Variants in C11orf54 observed in about 807,000 individuals in gnomAD.
C11orf54 encodes beta-keto L-gulonate decarboxylase.
Under a neutral mutation model 35.5 loss-of-function variants are expected in C11orf54, and 29 were observed. That is an observed-to-expected ratio of 0.82 (90% CI 0.61 to 1.11). C11orf54 has a LOEUF of 1.11. Among genes scored for constraint, C11orf54 ranks in the 50% most tolerant of loss-of-function variants. The pLI is 0.00. For missense variants in C11orf54, 373 were observed against 369.2 expected (o/e 1.01, Z -0.08); for synonymous variants, 108 against 121.1 (o/e 0.89, Z 0.71).
intron 6 of C11orf54, 24 bp from the exon 7 acceptor site, chr11:93,757,292 T>A: frequency 6.3e-7 from 1 of 1,589,284 alleles, no homozygotes; most frequent in Non-Finnish European, 8.5e-7. Flanking sequence ...TAGTCAATGG[T>A]ATGCATCTTT....
chr11:93,745,374 T>C (rs910908698), intron 1 of C11orf54, among the ~76,000 whole-genome samples: 3 of 152,190 alleles, frequency 2.0e-5, no homozygotes, highest in South Asian at 4.1e-4. Flanking sequence ...CAGTGCATCA[T>C]GTCCCTGGTT....
intron 6 of C11orf54, among the ~76,000 whole-genome samples, chr11:93,756,167 C>CAAAAAAAA (rs1210508995): frequency 8.2e-4 from 22 of 26,978 alleles, no homozygotes; most frequent in Non-Finnish European, 1.5e-3. Flanking sequence ...ACTCTGTCTC[C>CAAAAAAAA]AAAAAAAAAA....
intron 8 of C11orf54, among the ~76,000 whole-genome samples, chr11:93,760,868 AG>A (rs2135680976): frequency 6.6e-6 from 1 of 152,090 alleles, no homozygotes; most frequent in South Asian, 2.1e-4. Context: ...CATGTTGACC[AG>A]GCTGGTCTCG....
rs898610842 is a variant in C11orf54 at position 93,753,607 on chromosome 11, G to T, written c.155-75G>T. Reference sequence around the variant, plus strand: ...GATAATGGAGAAGTTATATACTGTTGGCATTTTATTATTAAATTAGATGTT... The same window carrying T: ...GATAATGGAGAAGTTATATACTGTTTGCATTTTATTATTAAATTAGATGTT... On this transcript the variant is annotated intron_variant, in intron 3 of 8. Coordinates refer to ENST00000354421, the MANE Select transcript of C11orf54 (RefSeq NM_001286069.2). 1.0e-5 allele frequency: 13 copies of T among 1,276,276 alleles called. No homozygotes were observed. The African/African-American group carries it at 1.8e-4, about 17-fold the overall frequency. The allele number at this position is 1,276,276 out of a possible 1,614,324, so 79.1% of individuals were successfully genotyped here.
At chr11:93,748,517 A>G (rs1360635083) in intron 2 of C11orf54, among the ~76,000 whole-genome samples, 1 of 151,956 alleles carries the variant, frequency 6.6e-6, no homozygotes, top group Non-Finnish European at 1.5e-5. Context: ...TTCCTTCTAT[A>G]TGTGCAGGAT....
At chr11:93,745,490 C>G (rs923758808) in intron 1 of C11orf54, among the ~76,000 whole-genome samples, 2 of 152,184 alleles carry the variant, frequency 1.3e-5, no homozygotes, top group African/African-American at 2.4e-5. Flanking sequence ...AACCTTGATT[C>G]AATACAGCAC....
At chr11:93,747,235 A>C (rs1376337591) in intron 1 of C11orf54, 62 bp from the exon 2 acceptor site, 1 of 431,928 alleles carries the variant, frequency 2.3e-6, no homozygotes, top group Non-Finnish European at 4.1e-6. Context: ...GTTTATGAAG[A>C]TAGAAACCTA....
chr11:93,747,976 T>C (rs1387453468), intron 2 of C11orf54, among the ~76,000 whole-genome samples: 1 of 151,986 alleles, frequency 6.6e-6, no homozygotes, highest in Non-Finnish European at 1.5e-5. Flanking sequence ...CAAAAACGAG[T>C]ACAAAAATGA....
chr11:93,742,441 G>A (rs1942152943), intron 1 of C11orf54, among the ~76,000 whole-genome samples: 1 of 152,112 alleles, frequency 6.6e-6, no homozygotes, highest in Admixed American at 6.5e-5. Flanking sequence ...GCGCCACCAT[G>A]CCCAGCTAAT....
intron 6 of C11orf54, among the ~76,000 whole-genome samples, chr11:93,756,769 T>C (rs915198111): frequency 2.0e-5 from 3 of 152,130 alleles, no homozygotes; most frequent in Non-Finnish European, 4.4e-5. Context: ...CACAAAAATA[T>C]GATTTCAGTG....
At chr11:93,745,717 C>T (rs1293528891) in intron 1 of C11orf54, 4 of 152,306 alleles carry the variant, frequency 2.6e-5, no homozygotes, top group African/African-American at 9.6e-5. Flanking sequence ...TGCAGTGGCT[C>T]ACGCCTGTAA....
Position 93,762,992 on chromosome 11 carries a change from C to G in C11orf54, c.*1304C>G, listed in dbSNP as rs1299408606. 6.6e-6 allele frequency: 1 copy of G among 152,116 alleles called. No individual in the cohort carries two copies. Among genetic ancestry groups the G allele is most frequent in the Admixed American group, 6.6e-5 (1 of 15,254 alleles). 9.4% of individuals were successfully genotyped at this position (152,116 alleles called of 1,614,324 possible). Reference sequence around the variant, plus strand: ...TTTTCAAATAATATTTTTTAATTGTCTACTTTGGATGTTAGCTATGTCTTG... The same window carrying G: ...TTTTCAAATAATATTTTTTAATTGTGTACTTTGGATGTTAGCTATGTCTTG... On this transcript the variant is annotated 3_prime_UTR_variant, in exon 9 of 9. Coordinates refer to ENST00000354421, the MANE Select transcript of C11orf54 (RefSeq NM_001286069.2).
In C11orf54 at chr11:93,762,581, G is replaced by T. The variant is rs887721420; in HGVS notation, c.*893G>T. On this transcript the variant is annotated 3_prime_UTR_variant, in exon 9 of 9. Transcript: ENST00000354421. The stretch of plus-strand genomic sequence containing the variant: ...GAGCCTAGGAGTTTAAACCAGCCTG[G>T]GCACCATGGTGAGACCCCATCTCTA... 6 of 152,068 alleles carry T rather than the reference G, an allele frequency of 3.9e-5. No homozygotes were observed. Among genetic ancestry groups the T allele is most frequent in the African/African-American group, 1.4e-4 (6 of 41,408 alleles). 9.4% of individuals were successfully genotyped at this position (152,068 alleles called of 1,614,324 possible).
Position 93,763,448 on chromosome 11 carries a change from C to T in C11orf54, c.*1760C>T, listed in dbSNP as rs1370374901. On this transcript the variant is annotated 3_prime_UTR_variant, in exon 9 of 9. Coordinates refer to ENST00000354421, the MANE Select transcript of C11orf54 (RefSeq NM_001286069.2). ...CATTCCACACTCAAAATTTGGTTCA[C>T]ATGTCCAGACTGATAGCCAAGTTCA... The T allele has an allele frequency of 2.0e-5, 3 of 152,180 alleles. No individual in the cohort carries two copies. Among genetic ancestry groups the T allele is most frequent in the Admixed American group, 1.3e-4 (2 of 15,276 alleles). The allele number at this position is 152,180 out of a possible 1,614,324, so 9.4% of individuals were successfully genotyped here.
chr11:93,754,033 C>T lies in C11orf54; in HGVS notation c.326C>T (p.Ser109Phe), dbSNP rs767541066. ...AGPFQTLGFN[S>F]EFMPVIQTES... ...CCATTTCAGACTCTCGGGTTCAATT[C>T]TGAGGTCAGCATATATAAGAAAATT... The change falls in exon 5 of 9, where the codon TCT becomes TTT. Residue 109 changes from serine to phenylalanine, a missense_variant. Physicochemically the swap from Ser to Phe is radical, Grantham distance 155 (BLOSUM62 -2). Coordinates refer to ENST00000354421, the MANE Select transcript of C11orf54 (RefSeq NM_001286069.2). 1 of 1,613,062 alleles carries T rather than the reference C, an allele frequency of 6.2e-7. No homozygotes were observed.
At chr11:93,746,295 G>C (rs1162489690) in intron 1 of C11orf54, 1 of 152,216 alleles carries the variant, frequency 6.6e-6, no homozygotes, top group Non-Finnish European at 1.5e-5. Context: ...GATTAATGAA[G>C]TGTTCTATTA....
intron 6 of C11orf54, among the ~76,000 whole-genome samples, chr11:93,756,855 A>T (rs190227610): frequency 6.6e-6 from 1 of 152,210 alleles, no homozygotes; most frequent in African/African-American, 2.4e-5. Context: ...GAGATTGAGA[A>T]GTGAAAATAC....
At position 93,764,134 on chromosome 11, in the gene C11orf54, T is replaced by A. The variant is rs1943571430; in HGVS notation, c.*2446T>A. On this transcript the variant is annotated 3_prime_UTR_variant, in exon 9 of 9. Transcript: ENST00000354421. ...TGGCGAGCACCCAGGCTTTCTTAGC[T>A]TGCCAGAGGTGTAGGGCATAAGGGG... The A allele has an allele frequency of 1.3e-5, 2 of 152,190 alleles. No homozygotes were observed. The highest frequency in any genetic ancestry group is 4.1e-4 in the South Asian group (2 of 4,828). The allele number at this position is 152,190 out of a possible 1,614,324, so 9.4% of individuals were successfully genotyped here.
chr11:93,761,227 G>T (rs537883119), intron 8 of C11orf54, among the ~76,000 whole-genome samples: 1 of 152,132 alleles, frequency 6.6e-6, no homozygotes, highest in Non-Finnish European at 1.5e-5. Context: ...GCAGAAAAGT[G>T]TGTACAAAAT....
Sources: allele counts gnomAD v4.1 joint callset (sites outside exome capture counted in the v4.1 genomes callset), GRCh38; gene constraint gnomAD v4.1.1; transcripts MANE v1.5; gene names NCBI Gene and HGNC (gene_info 2026-07-23, HGNC 2026-07-21).